DNAI4: variants seen among roughly 807,000 people sequenced by gnomAD.
DNAI4 encodes the protein dynein axonemal intermediate chain 4, also known as WD repeat domain 78.
A neutral mutation model predicts 105.8 loss-of-function variants in DNAI4; 85 were observed. The ratio of observed to expected loss-of-function variants is 0.80; its 90% confidence interval spans 0.67 to 0.96. DNAI4 has a LOEUF of 0.96. DNAI4 is among the 40% of genes least tolerant of loss of function. The pLI, the probability that DNAI4 is intolerant of heterozygous loss-of-function variation, is 0.00. For missense variants in DNAI4, 1,014 were observed against 1,005.6 expected, an observed-to-expected ratio of 1.01 and a Z score of -0.11; for synonymous variants, 352 against 331.5, an observed-to-expected ratio of 1.06 and a Z score of -0.67.
chr1:66,885,107 A>T (rs1396358711), intron 4 of DNAI4, among the ~76,000 whole-genome samples: 1 of 152,200 alleles, frequency 6.6e-6, no homozygotes, highest in Non-Finnish European at 1.5e-5. Context: ...TGGGTTATTT[A>T]GAATTTTGTG....
chr1:66,846,003 A>AAT (rs1180587488), intron 8 of DNAI4, among the ~76,000 whole-genome samples: 1 of 152,136 alleles, frequency 6.6e-6, no homozygotes, highest in East Asian at 1.9e-4. Flanking sequence ...TACAATTTAA[A>AAT]ATATATATTT....
chr1:66,837,364 CAA>C (rs529364212), intron 10 of DNAI4, among the ~76,000 whole-genome samples: 2 of 82,536 alleles, frequency 2.4e-5, no homozygotes, highest in East Asian at 3.3e-4. Flanking sequence ...GACTCTGTCT[CAA>C]AAAAAAAAAA....
At chr1:66,915,235 T>C (rs1328466447) in intron 1 of DNAI4, among the ~76,000 whole-genome samples, 1 of 152,258 alleles carries the variant, frequency 6.6e-6, no homozygotes, top group African/African-American at 2.4e-5. Context: ...TTAGGCATTC[T>C]AGTCCACAGG....
intron 13 of DNAI4, 190 bp from the exon 14 acceptor site, chr1:66,828,100 C>T (rs978041462): frequency 1.7e-5 from 6 of 349,658 alleles, no homozygotes; most frequent in Non-Finnish European, 3.1e-5. Context: ...TGAGAGACTA[C>T]TGTGCAAAAG....
At chr1:66,893,058 AGAGAGAG>A (rs1647907087) in intron 3 of DNAI4, among the ~76,000 whole-genome samples, 164 bp downstream of exon 3, 4 of 100,562 alleles carry the variant, frequency 4.0e-5, no homozygotes, top group African/African-American at 7.9e-5. Flanking sequence ...AAAGAAAGAG[AGAGAGAG>A]AAAGAAAGAA....
intron 4 of DNAI4, among the ~76,000 whole-genome samples, chr1:66,878,920 C>A (rs1312733259): frequency 6.6e-6 from 1 of 151,988 alleles, no homozygotes; most frequent in Admixed American, 6.6e-5. Flanking sequence ...AGGTATATAC[C>A]CTTTCCTCCC....
At chr1:66,923,256 G>C (rs1466415201) in intron 1 of DNAI4, among the ~76,000 whole-genome samples, 1 of 152,156 alleles carries the variant, frequency 6.6e-6, no homozygotes, top group Non-Finnish European at 1.5e-5. Flanking sequence ...CACAAACCTA[G>C]ATGTATAGCC....
At position 66,892,979 on chromosome 1, in the gene DNAI4, A is replaced by G. The variant is rs958103435; in HGVS notation, c.530+250T>C. On this transcript the variant is annotated intron_variant, in intron 3 of 16. Transcript: ENST00000371026. The stretch of plus-strand genomic sequence containing the variant: ...AAAGAAAGAAAGAAAGAAAGAAAGA[A>G]AGAAAGAAAGAAAGAAAGAGAGAAA... Among the ~76,000 whole-genome samples the G allele has an allele frequency of 8.0e-4, 109 of 136,670 alleles. 2 individuals carry two copies. The highest frequency in any genetic ancestry group is 3.1e-3 in the African/African-American group (102 of 32,558). The allele number at this position is 136,670 out of a possible 152,430, so 89.7% of individuals were successfully genotyped here. A position where few individuals can be genotyped will look rare whatever the true frequency, so the allele number is the denominator to read the frequency against.
intron 2 of DNAI4, among the ~76,000 whole-genome samples, chr1:66,896,081 G>C (rs540884535): frequency 1.3e-4 from 20 of 152,168 alleles, no homozygotes; most frequent in Admixed American, 3.9e-4. Flanking sequence ...ATGAGTTTTG[G>C]AGTATACCCA....
intron 7 of DNAI4, 182 bp from the exon 8 acceptor site, chr1:66,847,860 T>C: frequency 1.8e-6 from 1 of 557,326 alleles, no homozygotes. Flanking sequence ...TATCTCATTT[T>C]GGAATTCTTA....
At chr1:66,874,740 T>A in intron 5 of DNAI4, 41 bp downstream of exon 5, 1 of 1,572,702 alleles carries the variant, frequency 6.4e-7, no homozygotes, top group Non-Finnish European at 8.6e-7. Flanking sequence ...GGCTTAGCAT[T>A]TGAATTACAG....
Position 66,822,408 on chromosome 1 carries a change from A to G in DNAI4, c.2449T>C (p.Ser817Pro). 6.2e-7 allele frequency: 1 copy of G among 1,613,140 alleles called. No homozygotes were observed. Reference sequence around the variant, plus strand: ...GGCATATTTCTCAGTTCATACACAGAAACCTGTCCATCACTGTCTCCTACC... The same window carrying G: ...GGCATATTTCTCAGTTCATACACAGGAACCTGTCCATCACTGTCTCCTACC... ...LLVGDSDGQV[S>P]VYELRNMPTV... is the part of the protein sequence containing the mutation. Residue 817 changes from serine to proline, a missense_variant, in exon 16 of 17, where the codon TCT becomes CCT. By Grantham distance (74) the Ser-to-Pro change is moderately conservative. Coordinates refer to ENST00000371026, the MANE Select transcript of DNAI4 (RefSeq NM_024763.5).
intron 1 of DNAI4, among the ~76,000 whole-genome samples, chr1:66,911,932 C>G (rs1344402104): frequency 6.6e-6 from 1 of 152,180 alleles, no homozygotes; most frequent in Non-Finnish European, 1.5e-5. Context: ...ACCTCTGCCT[C>G]CAAGGTTCAA....
chr1:66,874,240 A>G (rs1166935594), intron 5 of DNAI4, among the ~76,000 whole-genome samples: 1 of 152,036 alleles, frequency 6.6e-6, no homozygotes, highest in Non-Finnish European at 1.5e-5. Flanking sequence ...CTAACAACAG[A>G]CTGTCAAAAT....
chr1:66,830,997 T>C (rs1451762000), intron 13 of DNAI4, among the ~76,000 whole-genome samples: 2 of 118,824 alleles, frequency 1.7e-5, no homozygotes, highest in African/African-American at 5.6e-5. Context: ...AAAAAAAAAT[T>C]AGAGGTGAGA....
In DNAI4 at chr1:66,899,462, G is replaced by A. The variant is rs555632211; in HGVS notation, c.345+5739C>T. ...TTGTCTTTATTAATGAATTGTAAGA[G>A]TTCTTTATATATGATAAAAGCTCTT... is the stretch of plus-strand genomic sequence containing the variant. On this transcript the variant is annotated intron_variant, in intron 2 of 16. Coordinates refer to ENST00000371026, the MANE Select transcript of DNAI4 (RefSeq NM_024763.5). 2.0e-5 allele frequency among the ~76,000 whole-genome samples: 3 copies of A among 152,194 alleles called. No homozygotes were observed. In the South Asian group the frequency reaches 6.2e-4, roughly 32 times the overall value.
chr1:66,849,852 T>C (rs1646358234), intron 7 of DNAI4, among the ~76,000 whole-genome samples: 1 of 151,788 alleles, frequency 6.6e-6, no homozygotes, highest in South Asian at 2.1e-4. Context: ...GAGAGAACAA[T>C]GGAAATAACC....
chr1:66,819,089 T>C (rs1030335675), intron 16 of DNAI4, among the ~76,000 whole-genome samples: 1 of 152,176 alleles, frequency 6.6e-6, no homozygotes, highest in Non-Finnish European at 1.5e-5. Flanking sequence ...TACCAGTATA[T>C]AAATTATTAA....
At chr1:66,865,762 G>A (rs1363960567) in intron 6 of DNAI4, among the ~76,000 whole-genome samples, 1 of 152,146 alleles carries the variant, frequency 6.6e-6, no homozygotes, top group African/African-American at 2.4e-5. Context: ...AGAAATGACC[G>A]AGCTTCATTC....
Sources: allele counts gnomAD v4.1 joint callset (sites outside exome capture counted in the v4.1 genomes callset), GRCh38; gene constraint gnomAD v4.1.1; transcripts MANE v1.5; gene names NCBI Gene and HGNC (gene_info 2026-07-23, HGNC 2026-07-21).